Variants in VWDE observed in about 807,000 individuals in gnomAD.
The protein encoded by VWDE is von Willebrand factor D and EGF domain-containing protein.
A neutral mutation model predicts 178.4 loss-of-function variants in VWDE; 207 were observed. That is an observed-to-expected ratio of 1.16 (90% CI 1.04 to 1.30). The LOEUF (loss-of-function observed/expected upper bound fraction) is 1.30. Ranked by LOEUF, VWDE falls within the 50% of genes most tolerant of loss-of-function variation. VWDE has a pLI of 0.00. For synonymous variants in VWDE, 738 were observed against 651.4 expected (o/e 1.13, Z -2.02); for missense variants, 2,287 against 1,901.3 (o/e 1.20, Z -3.77).
At position 12,331,196 on chromosome 7, in the gene VWDE, A is replaced by G. The variant is rs758261041; in HGVS notation, c.4760T>C (p.Ile1587Thr). The G allele has an allele frequency of 5.8e-6, 9 of 1,541,114 alleles. No homozygotes were observed. Among genetic ancestry groups the G allele is most frequent in the East Asian group, 2.5e-5 (1 of 40,774 alleles). Residue 1587 changes from isoleucine (I) to threonine (T), a missense_variant and splice_region_variant, in exon 29 of 29, where the codon ATA (isoleucine) becomes ACA (threonine). By Grantham distance (89) the Ile-to-Thr change is moderately conservative. Coordinates refer to ENST00000275358, the MANE Select transcript of VWDE (RefSeq NM_001135924.3). ...ACTTGATGCTACTCAATGGCGTCTT[A>G]TCTGTAGTAGGAAGAAGGAAATTGT... ...SGVKCEKKIQ[I>T]RRH is the part of the protein sequence containing the mutation.
intron 12 of VWDE, among the ~76,000 whole-genome samples, 190 bp from the exon 13 acceptor site, chr7:12,367,683 A>G (rs1782937298): frequency 6.6e-6 from 1 of 152,100 alleles, no homozygotes; most frequent in South Asian, 2.1e-4. Context: ...GGTATCTACC[A>G]TCAAACCAAT....
chr7:12,331,177 T>C lies in VWDE; in HGVS notation c.*6A>G, dbSNP rs1343021035. The C allele has an allele frequency of 1.3e-6, 2 of 1,541,816 alleles. No individual in the cohort carries two copies. Among genetic ancestry groups the C allele is most frequent in the Non-Finnish European group, 1.8e-6 (2 of 1,140,456 alleles). ...ACAGGCTTGTAATTCATATACTTGA[T>C]GCTACTCAATGGCGTCTTATCTGTA... On this transcript the variant is annotated 3_prime_UTR_variant, in exon 29 of 29. Coordinates refer to ENST00000275358, the MANE Select transcript of VWDE (RefSeq NM_001135924.3).
At chr7:12,400,043 T>C (rs1423896367) in intron 1 of VWDE, among the ~76,000 whole-genome samples, 1 of 152,056 alleles carries the variant, frequency 6.6e-6, no homozygotes, top group Non-Finnish European at 1.5e-5. Flanking sequence ...AGACACAATA[T>C]AGCAAAATGT....
Position 12,378,011 on chromosome 7 carries a change from AT to A in VWDE, c.880-92del, listed in dbSNP as rs778377168. The A allele has an allele frequency of 2.1e-4, 195 of 923,856 alleles. 1 individual carries two copies. The highest frequency in any genetic ancestry group is 3.3e-4 in the Middle Eastern group (1 of 3,064). The allele number at this position is 923,856 out of a possible 1,614,324, so 57.2% of individuals were successfully genotyped here. Reference sequence around the variant, plus strand: ...AAAGGGCATTTTCTCAACAGCACATATTTTACTAAATAATAACTTAAGCCCT... The same window carrying A: ...AAAGGGCATTTTCTCAACAGCACATATTTACTAAATAATAACTTAAGCCCT... On this transcript the variant is annotated intron_variant, in intron 6 of 28. Coordinates refer to ENST00000275358, the MANE Select transcript of VWDE (RefSeq NM_001135924.3).
chr7:12,355,897 C>G (rs1012129340), intron 18 of VWDE, among the ~76,000 whole-genome samples: 3 of 152,032 alleles, frequency 2.0e-5, no homozygotes, highest in African/African-American at 7.3e-5. Context: ...ATTGCTATAA[C>G]AGTTATAAAA....
intron 1 of VWDE, 81 bp from the exon 2 acceptor site, chr7:12,393,859 A>C: frequency 8.0e-7 from 1 of 1,249,136 alleles, no homozygotes. Flanking sequence ...ATTGATTCCC[A>C]AAACAAAAAA....
intron 27 of VWDE, among the ~76,000 whole-genome samples, chr7:12,334,714 G>A (rs1780918274): frequency 6.6e-6 from 1 of 152,142 alleles, no homozygotes; most frequent in Non-Finnish European, 1.5e-5. Context: ...CAGAAACAGG[G>A]TGCACAGCTT....
intron 17 of VWDE, among the ~76,000 whole-genome samples, 183 bp from the exon 18 acceptor site, chr7:12,356,513 A>G (rs1782262278): frequency 6.6e-6 from 1 of 152,170 alleles, no homozygotes; most frequent in Non-Finnish European, 1.5e-5. Context: ...TTAATAAGGC[A>G]ATTACGCCCA....
intron 19 of VWDE, among the ~76,000 whole-genome samples, chr7:12,347,739 G>C (rs951058162): frequency 2.0e-5 from 3 of 151,722 alleles, no homozygotes; most frequent in Non-Finnish European, 4.4e-5. Context: ...AGTTCATATG[G>C]AACCAAAAAA....
chr7:12,371,439 C>T (rs1019954343), intron 10 of VWDE, among the ~76,000 whole-genome samples: 10 of 152,068 alleles, frequency 6.6e-5, no homozygotes, highest in Admixed American at 2.6e-4. Context: ...CCATCTCTCC[C>T]ATCACAGGAA....
chr7:12,348,419 A>T (rs1185064457), intron 19 of VWDE, among the ~76,000 whole-genome samples: 1 of 128,076 alleles, frequency 7.8e-6, no homozygotes, highest in Admixed American at 8.0e-5. Context: ...GTTGAAGGAC[A>T]TGAACAGACA....
At chr7:12,332,071 ATGGAGT>A (rs1395318963) in intron 28 of VWDE, among the ~76,000 whole-genome samples, 1 of 151,984 alleles carries the variant, frequency 6.6e-6, no homozygotes, top group Non-Finnish European at 1.5e-5. Context: ...GGAGCAAGGG[ATGGAGT>A]TGGAGAAGGT....
intron 28 of VWDE, among the ~76,000 whole-genome samples, chr7:12,333,126 G>T (rs1780820792): frequency 6.6e-6 from 1 of 152,094 alleles, no homozygotes; most frequent in African/African-American, 2.4e-5. Context: ...TAAGATCACA[G>T]AAACTTTTTA....
rs573663008 is a variant in VWDE, at chr7:12,334,351, T to A, written c.4655-783A>T. Among the ~76,000 whole-genome samples, 39 of 152,280 alleles carry A rather than the reference T, an allele frequency of 2.6e-4. 1 individual carries two copies. Among genetic ancestry groups the A allele is most frequent in the African/African-American group, 9.1e-4 (38 of 41,564 alleles). ...AATGAGCGTACCACAAAATTATATA[T>A]AATAGTTATTTTTATAGGACAAATA... is the stretch of plus-strand genomic sequence containing the variant. On this transcript the variant is annotated intron_variant, in intron 27 of 28. Transcript: ENST00000275358.
At chr7:12,375,436 T>C (rs569825032) in intron 7 of VWDE, among the ~76,000 whole-genome samples, 51 of 152,194 alleles carry the variant, frequency 3.4e-4, no homozygotes, top group Non-Finnish European at 6.3e-4. Flanking sequence ...AACTATAATA[T>C]ATACATATGT....
At chr7:12,383,410 A>G in intron 4 of VWDE, 126 bp downstream of exon 4, 1 of 744,666 alleles carries the variant, frequency 1.3e-6, no homozygotes, top group Non-Finnish European at 2.2e-6. Flanking sequence ...TATTTTTGAT[A>G]GCTACCAGAC....
At chr7:12,331,949 G>C (rs3815530) in intron 28 of VWDE, among the ~76,000 whole-genome samples, 101,606 of 151,838 alleles carry the variant, frequency 0.67, 35,484 homozygotes, top group African/African-American at 0.89. Context: ...TTCTAGCAAT[G>C]CAATCAGTAA....
intron 12 of VWDE, 83 bp downstream of exon 12, chr7:12,369,462 A>C: frequency 7.1e-7 from 1 of 1,417,210 alleles, no homozygotes; most frequent in East Asian, 2.5e-5. Context: ...CACTGTTAGG[A>C]TACTGAGGGT....
At chr7:12,361,305 A>G (rs1011825702) in intron 14 of VWDE, 54 bp from the exon 15 acceptor site, 1 of 1,537,428 alleles carries the variant, frequency 6.5e-7, no homozygotes, top group Admixed American at 2.0e-5. Flanking sequence ...TTCTAAATTC[A>G]TTATGAAATG....
Sources: allele counts gnomAD v4.1 joint callset (sites outside exome capture counted in the v4.1 genomes callset), GRCh38; gene constraint gnomAD v4.1.1; transcripts MANE v1.5; gene names NCBI Gene and HGNC (gene_info 2026-07-23, HGNC 2026-07-21).